Variants in ZFPM2 observed in about 807,000 individuals in gnomAD.
ZFPM2 encodes zinc finger protein, FOG family member 2.
In ZFPM2, 20 loss-of-function variants were observed where a neutral mutation model predicts 98.6. The observed-to-expected ratio is 0.20, with a 90% CI of 0.14 to 0.29. The LOEUF is 0.29. ZFPM2 is among the 10% of genes least tolerant of loss of function. The probability of loss-of-function intolerance (pLI) is 1.00; values close to 1 mark genes in which losing one functional copy is unlikely to be tolerated. For missense variants in ZFPM2, 1,310 were observed against 1,388.6 expected (o/e 0.94, Z 0.90); for synonymous variants, 518 against 502.7 (o/e 1.03, Z -0.41).
At chr8:105,525,811 C>G (rs569029797) in intron 3 of ZFPM2, among the ~76,000 whole-genome samples, 22 of 152,252 alleles carry the variant, frequency 1.4e-4, no homozygotes, top group Non-Finnish European at 8.8e-5. Context: ...TTTAAGATAG[C>G]TACCCTAATA....
intron 4 of ZFPM2, among the ~76,000 whole-genome samples, chr8:105,561,774 A>C (rs1260336884): frequency 6.6e-6 from 1 of 152,138 alleles, no homozygotes; most frequent in Non-Finnish European, 1.5e-5. Context: ...ACATTTAGTA[A>C]TATATAAAAT....
rs10111322 is a variant in ZFPM2, at chr8:105,650,853, C to A, written c.532+16496C>A. 6.7e-3 allele frequency among the ~76,000 whole-genome samples: 1,021 copies of A among 152,038 alleles called. 7 individuals are homozygous for A. Among genetic ancestry groups the A allele is most frequent in the African/African-American group, 0.02 (816 of 41,480 alleles). On this transcript the variant is annotated intron_variant, in intron 5 of 7. Coordinates refer to ENST00000407775, the MANE Select transcript of ZFPM2 (RefSeq NM_012082.4). Reference sequence around the variant, plus strand: ...TGGTGCTGAGAAGAATGTTGATTTGCGGTGGAGAGTTCTGTAGATGTCTAT... The same window carrying A: ...TGGTGCTGAGAAGAATGTTGATTTGAGGTGGAGAGTTCTGTAGATGTCTAT...
intron 3 of ZFPM2, among the ~76,000 whole-genome samples, chr8:105,515,134 A>G (rs1460734469): frequency 6.6e-6 from 1 of 152,266 alleles, no homozygotes; most frequent in Non-Finnish European, 1.5e-5. Flanking sequence ...ACTTTCTGTT[A>G]CAAGAAAAGT....
chr8:105,699,419 A>G (rs537368429), intron 5 of ZFPM2, among the ~76,000 whole-genome samples: 5 of 152,254 alleles, frequency 3.3e-5, no homozygotes, highest in African/African-American at 1.2e-4. Flanking sequence ...TTTATATGAG[A>G]ATAATTCATA....
intron 5 of ZFPM2, among the ~76,000 whole-genome samples, chr8:105,744,142 C>T (rs1240244718): frequency 6.6e-6 from 1 of 151,898 alleles, no homozygotes; most frequent in East Asian, 1.9e-4. Context: ...TTTTCTTTTC[C>T]AACACGGCTA....
intron 3 of ZFPM2, among the ~76,000 whole-genome samples, chr8:105,452,352 A>T (rs1812501247): frequency 6.6e-6 from 1 of 152,198 alleles, no homozygotes; most frequent in South Asian, 2.1e-4. Flanking sequence ...AATTCAGCTT[A>T]GAATGCATCT....
At chr8:105,359,028 C>A (rs529239998) in intron 1 of ZFPM2, among the ~76,000 whole-genome samples, 35 of 152,230 alleles carry the variant, frequency 2.3e-4, no homozygotes, top group African/African-American at 8.4e-4. Flanking sequence ...TATGGTTAGG[C>A]TTTGTGTCCC....
chr8:105,385,537 C>A (rs1301812229), intron 1 of ZFPM2, among the ~76,000 whole-genome samples: 1 of 152,204 alleles, frequency 6.6e-6, no homozygotes, highest in Non-Finnish European at 1.5e-5. Context: ...CCAACTTTCC[C>A]TTTGCTTTGC....
At chr8:105,558,523 C>T (rs1041418561) in intron 3 of ZFPM2, among the ~76,000 whole-genome samples, 5 of 152,114 alleles carry the variant, frequency 3.3e-5, no homozygotes, top group African/African-American at 1.2e-4. Context: ...TAATCAAAGA[C>T]ACTTCAGAAA....
chr8:105,525,765 A>G (rs1261095075), intron 3 of ZFPM2, among the ~76,000 whole-genome samples: 1 of 152,204 alleles, frequency 6.6e-6, no homozygotes, highest in Non-Finnish European at 1.5e-5. Context: ...TATCTAAAGG[A>G]CAAACCAGTG....
intron 1 of ZFPM2, among the ~76,000 whole-genome samples, chr8:105,338,075 C>G (rs1170100475): frequency 6.6e-6 from 1 of 151,608 alleles, no homozygotes; most frequent in Non-Finnish European, 1.5e-5. Flanking sequence ...GATTTATTTA[C>G]TTTTAAAAAC....
At chr8:105,597,967 A>G (rs2130778146) in intron 4 of ZFPM2, among the ~76,000 whole-genome samples, 1 of 148,036 alleles carries the variant, frequency 6.8e-6, no homozygotes, top group South Asian at 2.1e-4. Flanking sequence ...GGGGATTGTT[A>G]TTTCAGTTCT....
At chr8:105,689,400 C>T (rs1453827626) in intron 5 of ZFPM2, among the ~76,000 whole-genome samples, 1 of 152,128 alleles carries the variant, frequency 6.6e-6, no homozygotes, top group African/African-American at 2.4e-5. Flanking sequence ...CAATACACTC[C>T]AGTTAAAAGG....
At chr8:105,369,067 C>A (rs969061207) in intron 1 of ZFPM2, among the ~76,000 whole-genome samples, 11 of 152,012 alleles carry the variant, frequency 7.2e-5, no homozygotes, top group African/African-American at 2.7e-4. Context: ...ATGACTAGAG[C>A]AAATAATAAA....
In ZFPM2 at chr8:105,378,567, C is replaced by T. The variant is rs149991855; in HGVS notation, c.41-40577C>T. On this transcript the variant is annotated intron_variant, in intron 1 of 7. Transcript: ENST00000407775. ...TAATTTTCTACAAATAGTTGGAGGA[C>T]GCTCGGTAAATATTTATTTTGTGAC... is the stretch of plus-strand genomic sequence containing the variant. Among the ~76,000 whole-genome samples, 224 of 152,186 alleles carry T rather than the reference C, an allele frequency of 1.5e-3. 1 individual carries two copies. The highest frequency in any genetic ancestry group is 4.8e-3 in the African/African-American group (200 of 41,520).
chr8:105,329,096 G>A (rs1812166439), intron 1 of ZFPM2, among the ~76,000 whole-genome samples: 1 of 151,908 alleles, frequency 6.6e-6, no homozygotes. Flanking sequence ...TGGGTCAGAT[G>A]ATAAGATGAG....
chr8:105,763,486 A>G (rs1352709079), intron 5 of ZFPM2, among the ~76,000 whole-genome samples: 1 of 151,884 alleles, frequency 6.6e-6, no homozygotes, highest in Non-Finnish European at 1.5e-5. Flanking sequence ...CTTCCAGGAA[A>G]GAGTTCTTGC....
chr8:105,505,410 AT>A (rs1813678748), intron 3 of ZFPM2, among the ~76,000 whole-genome samples: 1 of 152,180 alleles, frequency 6.6e-6, no homozygotes, highest in South Asian at 2.1e-4. Flanking sequence ...ACATAGGGGA[AT>A]GCGTCAGTCA....
intron 4 of ZFPM2, among the ~76,000 whole-genome samples, chr8:105,569,617 C>T (rs1028890986): frequency 2.6e-5 from 4 of 152,148 alleles, no homozygotes; most frequent in African/African-American, 4.8e-5. Context: ...TGACTAATTT[C>T]GGTGTAAGAT....
Sources: gnomAD v4.1 joint callset for allele counts (sites outside exome capture counted in the v4.1 genomes callset) on GRCh38, gnomAD v4.1.1 for gene constraint, MANE v1.5 for transcripts, NCBI Gene and HGNC (gene_info 2026-07-23, HGNC 2026-07-21) for gene names.